Variants in DPP10 observed in about 807,000 individuals in gnomAD.
DPP10 encodes the protein inactive dipeptidyl peptidase 10.
Under a neutral mutation model 120.9 loss-of-function variants are expected in DPP10, and 33 were observed. The observed-to-expected ratio is 0.27, with a 90% confidence interval of 0.21 to 0.37. The LOEUF (loss-of-function observed/expected upper bound fraction) is 0.37. DPP10 is among the 10% of genes least tolerant of loss of function. The probability of loss-of-function intolerance (pLI) is 1.00; values close to 1 mark genes in which losing one functional copy is unlikely to be tolerated. For missense variants in DPP10, 816 were observed against 942.8 expected, an observed-to-expected ratio of 0.87 and a Z score of 1.76; for synonymous variants, 337 against 326.1, an observed-to-expected ratio of 1.03 and a Z score of -0.36.
At chr2:115,752,139 C>CT (rs1678817185) in intron 10 of DPP10, among the ~76,000 whole-genome samples, 1 of 152,148 alleles carries the variant, frequency 6.6e-6, no homozygotes, top group South Asian at 2.1e-4. Context: ...ATTGATGACA[C>CT]TTTCCGTGAC....
rs2150147506 is a variant in DPP10, at chr2:115,844,413, A to C, written c.*2068A>C. On this transcript the variant is annotated 3_prime_UTR_variant, in exon 26 of 26. Transcript: ENST00000410059. Reference sequence around the variant, plus strand: ...TCAATGTTTATCTATTTTTCAATTAATTTAATACAGTTTCTAATGTGAAAG... The same window carrying C: ...TCAATGTTTATCTATTTTTCAATTACTTTAATACAGTTTCTAATGTGAAAG... 6.6e-6 allele frequency: 1 copy of C among 152,552 alleles called. No homozygotes were observed. The highest frequency in any genetic ancestry group is 1.5e-5 in the Non-Finnish European group (1 of 67,982). The allele number at this position is 152,552 out of a possible 1,614,324, so 9.4% of individuals were successfully genotyped here. A position where few individuals can be genotyped will look rare whatever the true frequency, so the allele number is the denominator to read the frequency against.
intron 1 of DPP10, among the ~76,000 whole-genome samples, chr2:114,780,683 G>A (rs1487264108): frequency 6.6e-6 from 1 of 151,958 alleles, no homozygotes; most frequent in African/African-American, 2.4e-5. Flanking sequence ...ATGATTATCA[G>A]AAAGAAATTT....
At chr2:114,942,328 C>CACAT (rs1352853413) in intron 1 of DPP10, among the ~76,000 whole-genome samples, 27 of 109,422 alleles carry the variant, frequency 2.5e-4, no homozygotes, top group Non-Finnish European at 3.9e-4. Flanking sequence ...TATACACACA[C>CACAT]ATATATATAT....
chr2:115,118,358 C>A (rs1278120524), intron 1 of DPP10, among the ~76,000 whole-genome samples: 1 of 152,142 alleles, frequency 6.6e-6, no homozygotes, highest in African/African-American at 2.4e-5. Context: ...GTTAACAGTG[C>A]CAGCTTTCAA....
At chr2:115,690,395 A>G (rs985515790) in intron 7 of DPP10, among the ~76,000 whole-genome samples, 2 of 152,162 alleles carry the variant, frequency 1.3e-5, no homozygotes, top group African/African-American at 4.8e-5. Context: ...TGATATATAA[A>G]GCAGTTTGAG....
intron 1 of DPP10, among the ~76,000 whole-genome samples, chr2:114,682,643 C>T (rs1029193794): frequency 1.3e-5 from 2 of 151,268 alleles, no homozygotes; most frequent in Admixed American, 6.6e-5. Flanking sequence ...AGAAATTTTT[C>T]CCCACTTTCA....
At chr2:114,797,354 G>A (rs564432426) in intron 1 of DPP10, among the ~76,000 whole-genome samples, 142 of 152,204 alleles carry the variant, frequency 9.3e-4, no homozygotes, top group Non-Finnish European at 1.6e-3. Flanking sequence ...TGGTCATCAG[G>A]GTTTCTAGGT....
At position 115,593,578 on chromosome 2, in the gene DPP10, T is replaced by TAA. The variant is rs71394152; in HGVS notation, c.441+67612_441+67613dup. ...GAAAAATGGAAGAAAAAATGGGAAA[T>TAA]AAAAAAATGTTAGTTTGGAGACTTG... is the stretch of plus-strand genomic sequence containing the variant. On this transcript the variant is annotated intron_variant, in intron 5 of 25. Transcript: ENST00000410059. Among the ~76,000 whole-genome samples, 44 of 151,474 alleles carry TAA rather than the reference T, an allele frequency of 2.9e-4. 1 individual carries two copies. The highest frequency in any genetic ancestry group is 2.0e-3 in the Admixed American group (31 of 15,254).
chr2:114,533,449 C>G (rs12464822), intron 1 of DPP10, among the ~76,000 whole-genome samples: 31,769 of 151,730 alleles, frequency 0.21, 3,576 homozygotes, highest in Admixed American at 0.29. Context: ...ACAACACACA[C>G]TGGGGCCTGT....
chr2:114,955,918 C>T (rs950883874), intron 1 of DPP10, among the ~76,000 whole-genome samples: 7 of 152,092 alleles, frequency 4.6e-5, no homozygotes, highest in Admixed American at 6.6e-5. Context: ...AAACTCTCAA[C>T]AAATTAGGTA....
At chr2:115,629,191 A>G (rs1223851026) in intron 5 of DPP10, among the ~76,000 whole-genome samples, 2 of 152,146 alleles carry the variant, frequency 1.3e-5, no homozygotes, top group African/African-American at 4.8e-5. Context: ...TATATGTGCC[A>G]CATTTTCTTA....
chr2:115,104,461 G>A (rs1023245765), intron 1 of DPP10, among the ~76,000 whole-genome samples: 1 of 152,026 alleles, frequency 6.6e-6, no homozygotes, highest in African/African-American at 2.4e-5. Context: ...GTTTATTATT[G>A]ATTGATTCAT....
At chr2:114,710,995 A>T (rs1179677870) in intron 1 of DPP10, among the ~76,000 whole-genome samples, 1 of 152,190 alleles carries the variant, frequency 6.6e-6, no homozygotes, top group Admixed American at 6.5e-5. Flanking sequence ...TCCTGTGTGT[A>T]TGGAGAAAAC....
chr2:114,577,545 T>C (rs1487051686), intron 1 of DPP10, among the ~76,000 whole-genome samples: 1 of 152,214 alleles, frequency 6.6e-6, no homozygotes, highest in East Asian at 1.9e-4. Context: ...TGCCATACTT[T>C]CTTAAAGCAC....
intron 1 of DPP10, among the ~76,000 whole-genome samples, chr2:114,768,578 A>G (rs779399798): frequency 3.5e-4 from 54 of 152,234 alleles, no homozygotes; most frequent in Non-Finnish European, 5.7e-4. Flanking sequence ...ATCCTCCTGG[A>G]TAAGTCAGGA....
chr2:115,413,346 C>G (rs911062671), intron 3 of DPP10, among the ~76,000 whole-genome samples: 1 of 151,980 alleles, frequency 6.6e-6, no homozygotes, highest in Non-Finnish European at 1.5e-5. Context: ...AAAATGGAAG[C>G]AAACAGAGAC....
intron 3 of DPP10, among the ~76,000 whole-genome samples, chr2:115,378,762 G>A (rs2066025641): frequency 1.3e-5 from 2 of 152,146 alleles, no homozygotes; most frequent in Admixed American, 6.5e-5. Context: ...TTAGCATGAA[G>A]CGTTGTTGAA....
intron 1 of DPP10, among the ~76,000 whole-genome samples, chr2:115,219,477 C>T (rs2057022581): frequency 6.6e-6 from 1 of 152,056 alleles, no homozygotes; most frequent in Admixed American, 6.6e-5. Flanking sequence ...TATACACCTC[C>T]ACTCTTACTA....
intron 1 of DPP10, among the ~76,000 whole-genome samples, chr2:114,541,460 C>T (rs529038879): frequency 6.6e-6 from 1 of 152,238 alleles, no homozygotes; most frequent in South Asian, 2.1e-4. Context: ...CAAAACCCCC[C>T]TTTTTCCTGA....
Sources: allele counts gnomAD v4.1 joint callset (sites outside exome capture counted in the v4.1 genomes callset), GRCh38; gene constraint gnomAD v4.1.1; transcripts MANE v1.5; gene names NCBI Gene and HGNC (gene_info 2026-07-23, HGNC 2026-07-21).